The following UVRAG variants were observed in gnomAD, a reference collection of about 807,000 sequenced individuals.
UVRAG encodes UV radiation resistance associated.
Under a neutral mutation model 78.0 loss-of-function variants are expected in UVRAG, and 19 were observed. The ratio of observed to expected loss-of-function variants is 0.24; its 90% CI spans 0.17 to 0.36. UVRAG has a LOEUF of 0.36. Ranked by LOEUF, UVRAG falls within the 10% of genes least tolerant of loss-of-function variation. The probability of loss-of-function intolerance (pLI) is 1.00; values close to 1 mark genes in which losing one functional copy is unlikely to be tolerated. For missense variants in UVRAG, 740 were observed against 853.8 expected, an observed-to-expected ratio of 0.87 and a Z score of 1.66; for synonymous variants, 323 against 324.6, an observed-to-expected ratio of 1.00 and a Z score of 0.05.
chr11:76,094,479 G>T (rs190714618), intron 13 of UVRAG, among the ~76,000 whole-genome samples: 1 of 152,124 alleles, frequency 6.6e-6, no homozygotes, highest in East Asian at 1.9e-4. Flanking sequence ...CTGTGAATCC[G>T]TCTGGTCCTG....
chr11:76,006,553 A>G lies in UVRAG; in HGVS notation c.912-981A>G, dbSNP rs144976681. ...GGCATACCTGTAGTCCCAGCTTCTCAGGAAGCTGAGGTGAGAGGATCAGCT... is the reference window on the plus strand; with the variant it reads ...GGCATACCTGTAGTCCCAGCTTCTCGGGAAGCTGAGGTGAGAGGATCAGCT... On this transcript the variant is annotated intron_variant, in intron 9 of 14. Coordinates refer to ENST00000356136, the MANE Select transcript of UVRAG (RefSeq NM_003369.4). Among the ~76,000 whole-genome samples, 437 of 149,276 alleles carry G rather than the reference A, an allele frequency of 2.9e-3. 6 individuals are homozygous for G. Among genetic ancestry groups the G allele is most frequent in the African/African-American group, 0.01 (417 of 40,792 alleles).
At chr11:76,097,870 A>G (rs1951813528) in intron 13 of UVRAG, among the ~76,000 whole-genome samples, 1 of 151,818 alleles carries the variant, frequency 6.6e-6, no homozygotes. Context: ...ATGTAAGTCT[A>G]CTCCTTACCG....
At chr11:76,003,146 A>T (rs1043988383) in intron 8 of UVRAG, among the ~76,000 whole-genome samples, 1 of 151,886 alleles carries the variant, frequency 6.6e-6, no homozygotes, top group Non-Finnish European at 1.5e-5. Flanking sequence ...ATTCACATTC[A>T]TGGAGTTAAA....
intron 4 of UVRAG, among the ~76,000 whole-genome samples, chr11:75,883,926 G>A (rs146475822): frequency 9.2e-5 from 14 of 152,232 alleles, no homozygotes; most frequent in Non-Finnish European, 1.6e-4. Flanking sequence ...TTTAAATATA[G>A]GTCTTTGTGT....
intron 6 of UVRAG, among the ~76,000 whole-genome samples, chr11:75,924,480 G>A (rs1171438148): frequency 6.6e-6 from 1 of 151,804 alleles, no homozygotes; most frequent in African/African-American, 2.4e-5. Flanking sequence ...CTGTCTCCCA[G>A]GTTCATGCCA....
At chr11:75,868,754 G>A (rs1946586712) in intron 3 of UVRAG, among the ~76,000 whole-genome samples, 1 of 152,188 alleles carries the variant, frequency 6.6e-6, no homozygotes, top group Non-Finnish European at 1.5e-5. Flanking sequence ...GGTTTCTCAT[G>A]TTTATAAAAG....
chr11:76,134,283 G>T (rs1952564371), intron 14 of UVRAG, among the ~76,000 whole-genome samples: 1 of 144,496 alleles, frequency 6.9e-6, no homozygotes. Context: ...TTTTTTGGTG[G>T]GCGGGGGAGT....
chr11:75,892,960 A>T (rs1403358421), intron 5 of UVRAG, among the ~76,000 whole-genome samples: 3 of 152,150 alleles, frequency 2.0e-5, no homozygotes, highest in Non-Finnish European at 4.4e-5. Context: ...CAGGTGGATC[A>T]CAAGGTCAGG....
chr11:76,013,061 C>G (rs1950083856), intron 11 of UVRAG: 2 of 151,954 alleles, frequency 1.3e-5, no homozygotes, highest in Admixed American at 6.6e-5. Flanking sequence ...GTGCTTGGTT[C>G]CTTAACAAAT....
chr11:75,863,924 C>G (rs1946479808), intron 3 of UVRAG, among the ~76,000 whole-genome samples: 1 of 152,136 alleles, frequency 6.6e-6, no homozygotes, highest in South Asian at 2.1e-4. Flanking sequence ...TTTATATCCC[C>G]TTAGTTCCTA....
intron 11 of UVRAG, among the ~76,000 whole-genome samples, chr11:76,010,871 A>G (rs1950038113): frequency 6.6e-6 from 1 of 152,134 alleles, no homozygotes. Flanking sequence ...TGAGGTCACT[A>G]TAAGGAGTTG....
At chr11:75,977,291 A>G (rs537395471) in intron 7 of UVRAG, among the ~76,000 whole-genome samples, 4 of 152,150 alleles carry the variant, frequency 2.6e-5, no homozygotes, top group African/African-American at 7.2e-5. Flanking sequence ...ACTTCCAACT[A>G]TGTGGTCAAT....
rs570074088 is a variant in UVRAG, at chr11:76,097,055, C to T, written c.1306-18869C>T. Among the ~76,000 whole-genome samples the T allele has an allele frequency of 3.9e-5, 6 of 152,224 alleles. No homozygotes were observed. In the South Asian group the frequency reaches 8.3e-4, roughly 21 times the overall value. On this transcript the variant is annotated intron_variant, in intron 13 of 14. Coordinates refer to ENST00000356136, the MANE Select transcript of UVRAG (RefSeq NM_003369.4). Reference sequence around the variant, plus strand: ...GTTAGAGGCTTGTTTTCTGGCACTCCGCAAGTGCAAGATGGTGATGGAGGT... The same window carrying T: ...GTTAGAGGCTTGTTTTCTGGCACTCTGCAAGTGCAAGATGGTGATGGAGGT...
chr11:75,981,466 T>G (rs1167984806), intron 7 of UVRAG, among the ~76,000 whole-genome samples: 1 of 151,680 alleles, frequency 6.6e-6, no homozygotes, highest in African/African-American at 2.4e-5. Context: ...TTTTTTTGTG[T>G]GTGTGACAGG....
chr11:76,054,241 C>A (rs1212824963), intron 12 of UVRAG, among the ~76,000 whole-genome samples: 4 of 152,206 alleles, frequency 2.6e-5, no homozygotes, highest in Non-Finnish European at 4.4e-5. Flanking sequence ...CTTCCTCTCA[C>A]ACCTCATAGA....
chr11:76,134,733 G>A (rs1952571473), intron 14 of UVRAG, among the ~76,000 whole-genome samples: 1 of 152,164 alleles, frequency 6.6e-6, no homozygotes, highest in African/African-American at 2.4e-5. Flanking sequence ...TACTACTGAC[G>A]CTAGTGTCTA....
Position 75,884,240 on chromosome 11 carries a change from T to TCTCTTTCTCTCTCTC in UVRAG, c.432+4200_432+4201insCTCTTTCTCTCTCTC, listed in dbSNP as rs1555080662. On this transcript the variant is annotated intron_variant, in intron 4 of 14. Transcript: ENST00000356136. ...TCTCTCTCTCTCTCTCTCTCTCTCT[T>TCTCTTTCTCTCTCTC]TCTCTCTCTCTCTCTGTGTGAAGTG... 9.1e-5 allele frequency among the ~76,000 whole-genome samples: 12 copies of TCTCTTTCTCTCTCTC among 132,560 alleles called. No individual in the cohort carries two copies. The South Asian group carries it at 1.0e-3, about 11-fold the overall frequency. The allele number at this position is 132,560 out of a possible 152,430, so 87.0% of individuals were successfully genotyped here.
chr11:76,025,992 G>A (rs186753769), intron 12 of UVRAG, among the ~76,000 whole-genome samples: 93 of 152,256 alleles, frequency 6.1e-4, no homozygotes, highest in Non-Finnish European at 1.1e-3. Context: ...TACCAAGAGG[G>A]AAGAGACAAA....
intron 12 of UVRAG, among the ~76,000 whole-genome samples, chr11:76,058,904 GAAGT>G (rs1951031193): frequency 6.6e-6 from 1 of 152,216 alleles, no homozygotes; most frequent in Non-Finnish European, 1.5e-5. Flanking sequence ...ACACCTTCGA[GAAGT>G]AAGTAAAGGC....
Sources: gnomAD v4.1 joint callset for allele counts (sites outside exome capture counted in the v4.1 genomes callset) on GRCh38, gnomAD v4.1.1 for gene constraint, MANE v1.5 for transcripts, NCBI Gene and HGNC (gene_info 2026-07-23, HGNC 2026-07-21) for gene names.